GPR158: variants seen among roughly 807,000 people sequenced by gnomAD.
The protein encoded by GPR158 is metabotropic glycine receptor.
In GPR158, 30 loss-of-function variants were observed where a neutral mutation model predicts 78.2. The observed-to-expected ratio is 0.38, with a 90% CI of 0.29 to 0.52. The LOEUF is 0.52. Ranked by LOEUF, GPR158 falls within the 20% of genes least tolerant of loss-of-function variation. The pLI, the probability that GPR158 is intolerant of heterozygous loss-of-function variation, is 0.83. For missense variants in GPR158, 1,463 were observed against 1,523.5 expected (o/e 0.96, Z 0.66); for synonymous variants, 581 against 591.1 (o/e 0.98, Z 0.25).
chr10:25,302,594 T>A (rs907036247), intron 2 of GPR158, among the ~76,000 whole-genome samples: 7 of 152,176 alleles, frequency 4.6e-5, no homozygotes, highest in African/African-American at 1.4e-4. Context: ...ATCCAGGTAG[T>A]AAATATTTTG....
chr10:25,484,545 G>T (rs1835706867), intron 5 of GPR158, among the ~76,000 whole-genome samples: 1 of 152,186 alleles, frequency 6.6e-6, no homozygotes, highest in Admixed American at 6.5e-5. Flanking sequence ...GAATAAATGA[G>T]AAGATGCTGG....
intron 5 of GPR158, among the ~76,000 whole-genome samples, chr10:25,472,310 C>G (rs1835518364): frequency 6.6e-6 from 1 of 151,798 alleles, no homozygotes; most frequent in Non-Finnish European, 1.5e-5. Flanking sequence ...CTGTTCTGTT[C>G]CATTGGTCTA....
chr10:25,548,367 A>G (rs568299869), intron 5 of GPR158, among the ~76,000 whole-genome samples: 126 of 152,284 alleles, frequency 8.3e-4, no homozygotes, highest in African/African-American at 2.9e-3. Flanking sequence ...TGTTGAGATG[A>G]TGAGATATAA....
chr10:25,529,279 C>T (rs188671956), intron 5 of GPR158, among the ~76,000 whole-genome samples: 1 of 151,984 alleles, frequency 6.6e-6, no homozygotes, highest in Non-Finnish European at 1.5e-5. Context: ...CCCAGCTACT[C>T]AGGAGGCTGA....
intron 2 of GPR158, among the ~76,000 whole-genome samples, chr10:25,351,145 CA>C (rs1855461108): frequency 2.6e-5 from 4 of 151,816 alleles, no homozygotes; most frequent in Non-Finnish European, 5.9e-5. Context: ...TCTCTATAAA[CA>C]TATAAACTCT....
At chr10:25,433,991 C>G (rs1834961414) in intron 4 of GPR158, among the ~76,000 whole-genome samples, 1 of 151,876 alleles carries the variant, frequency 6.6e-6, no homozygotes, top group Non-Finnish European at 1.5e-5. Context: ...AACCCCATCT[C>G]TACTAAAAAT....
At chr10:25,587,653 G>T (rs886658727) in intron 7 of GPR158, among the ~76,000 whole-genome samples, 1 of 152,136 alleles carries the variant, frequency 6.6e-6, no homozygotes, top group African/African-American at 2.4e-5. Flanking sequence ...TTCATAGCAT[G>T]GCCAAGGTCC....
At chr10:25,341,166 T>C (rs1264195724) in intron 2 of GPR158, among the ~76,000 whole-genome samples, 1 of 151,948 alleles carries the variant, frequency 6.6e-6, no homozygotes, top group Non-Finnish European at 1.5e-5. Context: ...TTTATCAGCA[T>C]CAGAGCAGCA....
intron 2 of GPR158, among the ~76,000 whole-genome samples, chr10:25,305,660 CA>C (rs1348620809): frequency 6.6e-6 from 1 of 152,086 alleles, no homozygotes; most frequent in Non-Finnish European, 1.5e-5. Flanking sequence ...TGTGCCTCTG[CA>C]AGCTTCCCTT....
At chr10:25,521,474 G>T (rs113129888) in intron 5 of GPR158, among the ~76,000 whole-genome samples, 14 of 152,106 alleles carry the variant, frequency 9.2e-5, no homozygotes, top group African/African-American at 2.7e-4. Flanking sequence ...CTTCACCTTT[G>T]TCTGGTGCCT....
At chr10:25,504,108 C>T (rs1197154779) in intron 5 of GPR158, among the ~76,000 whole-genome samples, 1 of 152,130 alleles carries the variant, frequency 6.6e-6, no homozygotes, top group Non-Finnish European at 1.5e-5. Context: ...CCAGGCTAGT[C>T]TCAAACTCCT....
intron 2 of GPR158, among the ~76,000 whole-genome samples, chr10:25,241,113 T>A (rs1401377229): frequency 6.7e-6 from 1 of 148,262 alleles, no homozygotes; most frequent in Non-Finnish European, 1.5e-5. Flanking sequence ...AAATATTGAA[T>A]TTTTACTTTG....
intron 5 of GPR158, among the ~76,000 whole-genome samples, chr10:25,533,182 T>C (rs775428558): frequency 2.0e-4 from 30 of 152,332 alleles, no homozygotes; most frequent in Admixed American, 1.0e-3. Context: ...CTCGCTGCAC[T>C]GTAGTAGTTC....
At chr10:25,181,805 C>T (rs896989379) in intron 1 of GPR158, among the ~76,000 whole-genome samples, 1 of 152,106 alleles carries the variant, frequency 6.6e-6, no homozygotes, top group African/African-American at 2.4e-5. Context: ...GCATCCTCAA[C>T]CTCCCAGGCT....
intron 2 of GPR158, among the ~76,000 whole-genome samples, chr10:25,389,211 A>T (rs904572302): frequency 5.9e-5 from 9 of 151,886 alleles, no homozygotes; most frequent in African/African-American, 2.2e-4. Context: ...CCACCCATGG[A>T]CCAATGGACA....
intron 2 of GPR158, among the ~76,000 whole-genome samples, chr10:25,241,301 TTTCTTTTCTTTTCTCTTCTC>T (rs1198193512): frequency 7.9e-6 from 1 of 125,974 alleles, no homozygotes; most frequent in Admixed American, 8.0e-5. Context: ...TTTCTTTTCT[TTTCTTTTCTTTTCTCTTCTC>T]TTCTCTTCTC....
At chr10:25,242,780 T>C (rs1358010976) in intron 2 of GPR158, among the ~76,000 whole-genome samples, 1 of 152,242 alleles carries the variant, frequency 6.6e-6, no homozygotes, top group Non-Finnish European at 1.5e-5. Flanking sequence ...GGAGTCTTTC[T>C]GTTACATTCA....
intron 4 of GPR158, among the ~76,000 whole-genome samples, chr10:25,420,495 T>C (rs1259028251): frequency 6.6e-6 from 1 of 152,154 alleles, no homozygotes; most frequent in Non-Finnish European, 1.5e-5. Context: ...ATTTTTTCTT[T>C]TGTCACTTGT....
At chr10:25,324,490 T>C (rs576922718) in intron 2 of GPR158, among the ~76,000 whole-genome samples, 1 of 152,336 alleles carries the variant, frequency 6.6e-6, no homozygotes, top group South Asian at 2.1e-4. Context: ...TGGGCATGGT[T>C]CATGGTATCC....
Sources: allele counts gnomAD v4.1 joint callset (sites outside exome capture counted in the v4.1 genomes callset), GRCh38; gene constraint gnomAD v4.1.1; transcripts MANE v1.5; gene names NCBI Gene and HGNC (gene_info 2026-07-23, HGNC 2026-07-21).